The following GIGYF2 variants were observed in gnomAD, a reference collection of about 807,000 sequenced individuals.
The protein encoded by GIGYF2 is GRB10 interacting GYF protein 2, also known as GRB10-interacting GYF protein 2.
In GIGYF2, 25 loss-of-function variants were observed where a neutral mutation model predicts 208.1. The observed-to-expected ratio is 0.12, with a 90% confidence interval of 0.09 to 0.17. The LOEUF is 0.17. Ranked by LOEUF, GIGYF2 falls within the 10% of genes least tolerant of loss-of-function variation. The pLI is 1.00. For synonymous variants in GIGYF2, 534 were observed against 543.8 expected (o/e 0.98, Z 0.25); for missense variants, 1,302 against 1,579.4 (o/e 0.82, Z 2.98).
intron 3 of GIGYF2, among the ~76,000 whole-genome samples, chr2:232,745,428 C>T (rs921453549): frequency 6.6e-6 from 1 of 151,956 alleles, no homozygotes; most frequent in African/African-American, 2.4e-5. Context: ...CAGGAGCCAA[C>T]CTGAAGAGTC....
intron 7 of GIGYF2, 51 bp downstream of exon 7, chr2:232,760,642 TA>T: frequency 8.2e-7 from 1 of 1,218,100 alleles, no homozygotes; most frequent in Non-Finnish European, 1.2e-6. Flanking sequence ...ATAAAACTTA[TA>T]TTTTTTGCTT....
chr2:232,767,083 A>G (rs1349697926), intron 8 of GIGYF2: 3 of 152,228 alleles, frequency 2.0e-5, no homozygotes, highest in Admixed American at 6.5e-5. Flanking sequence ...CATAATTTTT[A>G]TAGACTATTA....
rs868527905 is a variant in GIGYF2 at position 232,739,369 on chromosome 2, C to A, written c.41+4131C>A. Among the ~76,000 whole-genome samples the A allele has an allele frequency of 5.4e-3, 730 of 136,280 alleles. 33 individuals are homozygous for A. Among genetic ancestry groups the A allele is most frequent in the African/African-American group, 0.019 (703 of 36,116 alleles). The allele number at this position is 136,280 out of a possible 152,430, so 89.4% of individuals were successfully genotyped here. ...CTGGGCAACAAAAGCAAACCCCCCCCCCCCCGCAAAAAAAAAGAAAAGGGT... is the reference window on the plus strand; with the variant it reads ...CTGGGCAACAAAAGCAAACCCCCCCACCCCCGCAAAAAAAAAGAAAAGGGT... On this transcript the variant is annotated intron_variant, in intron 3 of 28. Coordinates refer to ENST00000373563, the MANE Select transcript of GIGYF2 (RefSeq NM_001103146.3).
chr2:232,722,059 A>G (rs1343074103), intron 2 of GIGYF2, among the ~76,000 whole-genome samples: 1 of 151,962 alleles, frequency 6.6e-6, no homozygotes. Context: ...TCTTCCCTTT[A>G]CCGTGCTGAC....
At chr2:232,760,843 C>A (rs549876814) in intron 7 of GIGYF2, among the ~76,000 whole-genome samples, 24 of 150,248 alleles carry the variant, frequency 1.6e-4, no homozygotes, top group African/African-American at 5.9e-4. Context: ...ATAGCAAATA[C>A]CAAATTGTCA....
In GIGYF2 at chr2:232,795,938, G is replaced by T. The variant is rs888075285; in HGVS notation, c.1480-124G>T. The stretch of plus-strand genomic sequence containing the variant: ...ATTGTTGGGAGAAGTTACCTGCTAT[G>T]TTCTTTGCATAGTGACTTTCATAGA... On this transcript the variant is annotated intron_variant, in intron 13 of 28. Transcript: ENST00000373563. 4 of 736,570 alleles carry T rather than the reference G, an allele frequency of 5.4e-6. No homozygotes were observed. The East Asian group carries it at 7.9e-5, about 14-fold the overall frequency. 45.6% of individuals were successfully genotyped at this position (736,570 alleles called of 1,614,324 possible). A position where few individuals can be genotyped will look rare whatever the true frequency, so the allele number is the denominator to read the frequency against.
intron 8 of GIGYF2, among the ~76,000 whole-genome samples, chr2:232,780,883 G>A (rs1699689989): frequency 6.6e-6 from 1 of 152,112 alleles, no homozygotes; most frequent in African/African-American, 2.4e-5. Context: ...ATTTTTAGAC[G>A]TGAAGGGAAC....
chr2:232,729,103 C>A (rs1279349408), intron 2 of GIGYF2, among the ~76,000 whole-genome samples: 1 of 152,146 alleles, frequency 6.6e-6, no homozygotes, highest in Non-Finnish European at 1.5e-5. Flanking sequence ...CTCAGCCTCC[C>A]AAGTAGCTTG....
chr2:232,840,047 A>C, intron 23 of GIGYF2, 76 bp downstream of exon 23: 1 of 1,389,090 alleles, frequency 7.2e-7, no homozygotes, highest in Non-Finnish European at 1.0e-6. Context: ...GTTAGTGGTT[A>C]CTGAGGACAA....
At chr2:232,789,258 C>T (rs1027846766) in intron 9 of GIGYF2, among the ~76,000 whole-genome samples, 7 of 151,990 alleles carry the variant, frequency 4.6e-5, no homozygotes, top group African/African-American at 7.2e-5. Flanking sequence ...GCTGGATGTG[C>T]GTGGGGGTGG....
At chr2:232,791,505 T>A in intron 12 of GIGYF2, 59 bp downstream of exon 12, 1 of 1,432,934 alleles carries the variant, frequency 7.0e-7, no homozygotes, top group Non-Finnish European at 9.7e-7. Flanking sequence ...CAGTGATCAC[T>A]GATAAGTTAG....
At chr2:232,854,512 A>G (rs1690478644) in intron 28 of GIGYF2, among the ~76,000 whole-genome samples, 1 of 151,914 alleles carries the variant, frequency 6.6e-6, no homozygotes, top group Non-Finnish European at 1.5e-5. Flanking sequence ...ATATATATGT[A>G]TATATATATA....
intron 2 of GIGYF2, among the ~76,000 whole-genome samples, chr2:232,711,814 C>CT (rs1696427961): frequency 6.9e-6 from 1 of 145,812 alleles, no homozygotes; most frequent in Non-Finnish European, 1.5e-5. Flanking sequence ...TGTTTTTTTT[C>CT]TTTTTTTGTA....
intron 22 of GIGYF2, among the ~76,000 whole-genome samples, chr2:232,835,235 C>T (rs1004934166): frequency 1.2e-4 from 18 of 152,152 alleles, no homozygotes; most frequent in Admixed American, 3.3e-4. Context: ...TTTATCCAAT[C>T]CTCTGTTGAT....
intron 5 of GIGYF2, among the ~76,000 whole-genome samples, chr2:232,755,387 T>C (rs1383521875): frequency 6.6e-6 from 1 of 152,130 alleles, no homozygotes; most frequent in Non-Finnish European, 1.5e-5. Flanking sequence ...GCCAGGCTAG[T>C]CTCGAACTCC....
intron 21 of GIGYF2, among the ~76,000 whole-genome samples, chr2:232,824,695 A>G (rs1361995442): frequency 6.6e-6 from 1 of 152,256 alleles, no homozygotes; most frequent in Non-Finnish European, 1.5e-5. Flanking sequence ...CAGATGCCCT[A>G]CTTAAGATCA....
chr2:232,836,436 T>A (rs951896133), intron 22 of GIGYF2, among the ~76,000 whole-genome samples: 2 of 116,250 alleles, frequency 1.7e-5, no homozygotes, highest in Non-Finnish European at 1.7e-5. Flanking sequence ...CGTGGTGATG[T>A]GTGCCTGTGG....
At chr2:232,741,690 C>T (rs1459612643) in intron 3 of GIGYF2, among the ~76,000 whole-genome samples, 1 of 152,070 alleles carries the variant, frequency 6.6e-6, no homozygotes, top group Non-Finnish European at 1.5e-5. Flanking sequence ...GTGATCTGCC[C>T]TCCTTGGCCT....
At chr2:232,768,475 A>G (rs1311776336) in intron 8 of GIGYF2, 1 of 1,614,224 alleles carries the variant, frequency 6.2e-7, no homozygotes, top group South Asian at 1.1e-5. Context: ...AATACAACTA[A>G]TTCAAAGTGA....
Sources: allele counts gnomAD v4.1 joint callset (sites outside exome capture counted in the v4.1 genomes callset), GRCh38; gene constraint gnomAD v4.1.1; transcripts MANE v1.5; gene names NCBI Gene and HGNC (gene_info 2026-07-23, HGNC 2026-07-21).